Variants in CADM2 observed in about 807,000 individuals in gnomAD.
CADM2 encodes the protein immunoglobulin superfamily member 4D.
A neutral mutation model predicts 49.8 loss-of-function variants in CADM2; 12 were observed. The observed-to-expected ratio is 0.24, with a 90% CI of 0.15 to 0.39. CADM2 has a LOEUF of 0.39. CADM2 is among the 10% of genes least tolerant of loss of function. The probability of loss-of-function intolerance (pLI) is 1.00; values close to 1 mark genes in which losing one functional copy is unlikely to be tolerated. For missense variants in CADM2, 378 were observed against 492.3 expected (o/e 0.77, Z 2.20); for synonymous variants, 214 against 175.4 (o/e 1.22, Z -1.74).
intron 1 of CADM2, among the ~76,000 whole-genome samples, chr3:85,526,387 A>G (rs2061159586): frequency 6.6e-6 from 1 of 152,150 alleles, no homozygotes; most frequent in Non-Finnish European, 1.5e-5. Context: ...GGCAATATCA[A>G]ATATACACAC....
chr3:85,409,712 G>A (rs2035569238), intron 1 of CADM2, among the ~76,000 whole-genome samples: 1 of 152,032 alleles, frequency 6.6e-6, no homozygotes, highest in Non-Finnish European at 1.5e-5. Flanking sequence ...GATTAAAGAT[G>A]ATAAAGTCAC....
chr3:85,403,977 T>C (rs2035248836), intron 1 of CADM2, among the ~76,000 whole-genome samples: 1 of 152,090 alleles, frequency 6.6e-6, no homozygotes, highest in Non-Finnish European at 1.5e-5. Flanking sequence ...CTTGTACCAG[T>C]TGAGATAAAA....
intron 1 of CADM2, among the ~76,000 whole-genome samples, chr3:85,066,404 T>C (rs1263314395): frequency 6.6e-6 from 1 of 150,708 alleles, no homozygotes; most frequent in Non-Finnish European, 1.5e-5. Context: ...ATCCCCAAAG[T>C]GCTATGATAT....
intron 1 of CADM2, among the ~76,000 whole-genome samples, chr3:85,711,462 T>A (rs1245127688): frequency 6.6e-6 from 1 of 152,204 alleles, no homozygotes. Context: ...GTTTCTTCTT[T>A]AACTGTGAGA....
At chr3:85,364,962 T>C (rs2032643923) in intron 1 of CADM2, among the ~76,000 whole-genome samples, 1 of 152,086 alleles carries the variant, frequency 6.6e-6, no homozygotes, top group African/African-American at 2.4e-5. Context: ...CATTGGAAAA[T>C]GGCACGATGT....
At chr3:85,338,331 C>G (rs2045146880) in intron 1 of CADM2, among the ~76,000 whole-genome samples, 1 of 151,496 alleles carries the variant, frequency 6.6e-6, no homozygotes, top group East Asian at 1.9e-4. Flanking sequence ...CTTTTAATAA[C>G]TGGTTAATCC....
chr3:85,984,508 T>C (rs1727857917), intron 8 of CADM2, among the ~76,000 whole-genome samples: 1 of 151,808 alleles, frequency 6.6e-6, no homozygotes, highest in African/African-American at 2.4e-5. Context: ...TTATTTATCA[T>C]AATTTTTAAA....
At chr3:85,906,650 G>T (rs933115740) in intron 5 of CADM2, among the ~76,000 whole-genome samples, 3 of 152,006 alleles carry the variant, frequency 2.0e-5, no homozygotes, top group Non-Finnish European at 4.4e-5. Context: ...TGTATGAAAG[G>T]GTGCTCATAG....
At chr3:86,023,488 G>C (rs1330012912) in intron 8 of CADM2, among the ~76,000 whole-genome samples, 1 of 151,908 alleles carries the variant, frequency 6.6e-6, no homozygotes. Flanking sequence ...CCTCCTGAGT[G>C]CCTGGGATTC....
chr3:85,308,651 G>T (rs1413558518), intron 1 of CADM2, among the ~76,000 whole-genome samples: 3 of 151,982 alleles, frequency 2.0e-5, no homozygotes, highest in Non-Finnish European at 2.9e-5. Context: ...AATAGTATGG[G>T]TAGGAAAGAG....
At chr3:85,972,281 G>T (rs1726252761) in intron 8 of CADM2, among the ~76,000 whole-genome samples, 1 of 151,656 alleles carries the variant, frequency 6.6e-6, no homozygotes, top group Non-Finnish European at 1.5e-5. Flanking sequence ...GCAATTAGTA[G>T]TAAGGAAAAC....
chr3:85,522,761 A>G (rs778710454), intron 1 of CADM2, among the ~76,000 whole-genome samples: 4 of 152,068 alleles, frequency 2.6e-5, no homozygotes, highest in African/African-American at 4.8e-5. Context: ...GAAGGGAGAA[A>G]GTATCAAGAA....
At chr3:85,061,319 C>T (rs1487697734) in intron 1 of CADM2, among the ~76,000 whole-genome samples, 2 of 152,026 alleles carry the variant, frequency 1.3e-5, no homozygotes, top group South Asian at 2.1e-4. Context: ...ACAGTGCAGT[C>T]CATGGCAAGG....
At chr3:85,108,977 C>T (rs1453090298) in intron 1 of CADM2, among the ~76,000 whole-genome samples, 2 of 151,938 alleles carry the variant, frequency 1.3e-5, no homozygotes, top group Middle Eastern at 3.2e-3. Flanking sequence ...AACTATATAG[C>T]TTATCACACC....
At chr3:85,195,775 G>C (rs1201216504) in intron 1 of CADM2, among the ~76,000 whole-genome samples, 1 of 151,948 alleles carries the variant, frequency 6.6e-6, no homozygotes, top group Non-Finnish European at 1.5e-5. Context: ...TTTCCAAAAG[G>C]TATGTAAAAT....
chr3:85,976,309 T>C (rs532047206), intron 8 of CADM2, among the ~76,000 whole-genome samples: 14 of 151,674 alleles, frequency 9.2e-5, no homozygotes, highest in South Asian at 6.2e-4. Context: ...GACCTGATTG[T>C]CTAGTGGGAC....
At chr3:85,599,364 G>C (rs1335950870) in intron 1 of CADM2, among the ~76,000 whole-genome samples, 1 of 151,940 alleles carries the variant, frequency 6.6e-6, no homozygotes, top group Non-Finnish European at 1.5e-5. Context: ...TTTTAACCTG[G>C]AATGGATCTT....
At chr3:85,533,908 A>G (rs1439519265) in intron 1 of CADM2, among the ~76,000 whole-genome samples, 1 of 152,116 alleles carries the variant, frequency 6.6e-6, no homozygotes, top group Non-Finnish European at 1.5e-5. Context: ...TTCCACAGAC[A>G]GGCTATTTTA....
chr3:84,999,503 T>A (rs1185220163), intron 1 of CADM2, among the ~76,000 whole-genome samples: 1 of 152,162 alleles, frequency 6.6e-6, no homozygotes, highest in Admixed American at 6.6e-5. Flanking sequence ...ATGGTACTTA[T>A]GTACTCTGTT....
Sources: gnomAD v4.1 joint callset for allele counts (sites outside exome capture counted in the v4.1 genomes callset) on GRCh38, gnomAD v4.1.1 for gene constraint, MANE v1.5 for transcripts, NCBI Gene and HGNC (gene_info 2026-07-23, HGNC 2026-07-21) for gene names.